The following ADGRV1 variants were observed in gnomAD, a reference collection of about 807,000 sequenced individuals.
The protein encoded by ADGRV1 is G-protein coupled receptor 98.
Under a neutral mutation model 596.2 loss-of-function variants are expected in ADGRV1, and 359 were observed. That is an observed-to-expected ratio of 0.60 (90% CI 0.55 to 0.66). The LOEUF (loss-of-function observed/expected upper bound fraction) is 0.66. Among genes scored for constraint, ADGRV1 ranks in the 30% least tolerant of loss-of-function variants. The pLI, the probability that ADGRV1 is intolerant of heterozygous loss-of-function variation, is 0.00. For synonymous variants in ADGRV1, 2,681 were observed against 2,679.2 expected (o/e 1.00, Z -0.02); for missense variants, 7,274 against 7,575.6 (o/e 0.96, Z 1.48).
chr5:91,161,255 G>A (rs560957309), intron 89 of ADGRV1, among the ~76,000 whole-genome samples: 29 of 152,226 alleles, frequency 1.9e-4, no homozygotes, highest in African/African-American at 5.8e-4. Flanking sequence ...CACATAACAC[G>A]GTTCTCCTGT....
At chr5:90,997,187 G>A (rs1239578463) in intron 85 of ADGRV1, among the ~76,000 whole-genome samples, 2 of 152,092 alleles carry the variant, frequency 1.3e-5, no homozygotes, top group African/African-American at 4.8e-5. Flanking sequence ...ATATAGTTTG[G>A]TTATGTATCC....
chr5:90,771,588 G>T (rs773849063), intron 59 of ADGRV1, among the ~76,000 whole-genome samples: 9 of 151,978 alleles, frequency 5.9e-5, no homozygotes, highest in Middle Eastern at 3.2e-3. Flanking sequence ...AAAATTAAAG[G>T]CTTTAAATTT....
Position 90,798,483 on chromosome 5 carries a change from A to T in ADGRV1, c.14518-4256A>T, listed in dbSNP as rs1760994596. ...CAGGCCAAGACGGATACACCGCCGAATTCTACCAGAGGTACAAAGAGGAGC... is the reference window on the plus strand; with the variant it reads ...CAGGCCAAGACGGATACACCGCCGATTTCTACCAGAGGTACAAAGAGGAGC... On this transcript the variant is annotated intron_variant, in intron 70 of 89. Coordinates refer to ENST00000405460, the MANE Select transcript of ADGRV1 (RefSeq NM_032119.4). Among the ~76,000 whole-genome samples, 4 of 152,336 alleles carry T rather than the reference A, an allele frequency of 2.6e-5. No individual in the cohort carries two copies. In the South Asian group the frequency reaches 8.3e-4, roughly 32 times the overall value.
intron 61 of ADGRV1, 126 bp downstream of exon 61, chr5:90,776,702 A>T (rs1382716487): frequency 9.3e-7 from 1 of 1,072,246 alleles, no homozygotes; most frequent in African/African-American, 1.6e-5. Context: ...ATATACTGTT[A>T]ACATCCTGTG....
intron 78 of ADGRV1, among the ~76,000 whole-genome samples, chr5:90,845,259 C>T (rs544724786): frequency 1.5e-4 from 23 of 152,150 alleles, no homozygotes; most frequent in Non-Finnish European, 3.4e-4. Flanking sequence ...GCCTTAGTTT[C>T]CCTAACTGGA....
At chr5:90,892,948 T>C (rs1231493540) in intron 83 of ADGRV1, among the ~76,000 whole-genome samples, 1 of 152,170 alleles carries the variant, frequency 6.6e-6, no homozygotes, top group Non-Finnish European at 1.5e-5. Flanking sequence ...CAGGGGTAGA[T>C]GAGTTGCAAG....
chr5:90,982,275 C>G (rs2151035185), intron 84 of ADGRV1, among the ~76,000 whole-genome samples: 1 of 152,228 alleles, frequency 6.6e-6, no homozygotes, highest in African/African-American at 2.4e-5. Context: ...ATCAGTTAAT[C>G]TATGGTAACG....
intron 77 of ADGRV1, among the ~76,000 whole-genome samples, chr5:90,832,233 T>C (rs558271215): frequency 1.3e-5 from 2 of 152,262 alleles, no homozygotes; most frequent in African/African-American, 4.8e-5. Flanking sequence ...TGTATGAGGG[T>C]TCCATTTTCT....
chr5:90,728,751 A>G lies in ADGRV1; in HGVS notation c.10244A>G (p.Lys3415Arg), dbSNP rs780103182. Reference sequence around the variant, plus strand: ...GTGCTGACCGTGGCCTTGTTCAACAAGGGAGGCTCTGTGTTCTTAGCCATT... The same window carrying G: ...GTGCTGACCGTGGCCTTGTTCAACAGGGGAGGCTCTGTGTTCTTAGCCATT... Reference protein sequence around the residue: ...RGVLTVALFNKGGSVFLAISQ... With the variant: ...RGVLTVALFNRGGSVFLAISQ... The change falls in exon 49 of 90, where the codon AAG becomes AGG. Residue 3415 changes from lysine (K) to arginine (R), a missense_variant. This residue lies in a region of ADGRV1 where 3,643 missense variants were observed against 3,809.2 expected (regional missense o/e 0.96). Transcript: ENST00000405460. The G allele has an allele frequency of 1.2e-6, 2 of 1,613,944 alleles. No homozygotes were observed. The highest frequency in any genetic ancestry group is 2.2e-5 in the South Asian group (2 of 91,082).
At chr5:91,140,628 G>T (rs1272448582) in intron 87 of ADGRV1, among the ~76,000 whole-genome samples, 1 of 151,908 alleles carries the variant, frequency 6.6e-6, no homozygotes, top group Non-Finnish European at 1.5e-5. Context: ...AATACCATTT[G>T]ACCACCTCCA....
At chr5:91,016,698 G>T (rs1783199454) in intron 85 of ADGRV1, among the ~76,000 whole-genome samples, 1 of 151,824 alleles carries the variant, frequency 6.6e-6, no homozygotes. Flanking sequence ...AGTTAAAATG[G>T]AATAAAAGAT....
chr5:91,100,286 G>T (rs1349083766), intron 86 of ADGRV1, among the ~76,000 whole-genome samples: 1 of 152,140 alleles, frequency 6.6e-6, no homozygotes, highest in East Asian at 1.9e-4. Context: ...AGTGGGCGTG[G>T]TGGCATGCGC....
chr5:90,622,804 GAT>G (rs1764260857), intron 5 of ADGRV1, 103 bp downstream of exon 5: 2 of 387,362 alleles, frequency 5.2e-6, no homozygotes, highest in Non-Finnish European at 9.1e-6. Flanking sequence ...GCAGTGGTGC[GAT>G]CTCAGCTCAA....
At chr5:90,644,093 G>A in intron 14 of ADGRV1, 110 bp downstream of exon 14, 2 of 771,384 alleles carry the variant, frequency 2.6e-6, no homozygotes, top group Non-Finnish European at 4.0e-6. Flanking sequence ...CCCTGCCTTA[G>A]AAATTACACA....
intron 85 of ADGRV1, among the ~76,000 whole-genome samples, chr5:91,039,426 A>G (rs1331877161): frequency 6.6e-6 from 1 of 152,218 alleles, no homozygotes; most frequent in East Asian, 1.9e-4. Context: ...CCTGACCATG[A>G]AAACAGGGAA....
At chr5:90,569,387 ATTTTTT>A (rs869133714) in intron 1 of ADGRV1, among the ~76,000 whole-genome samples, 11 of 16,364 alleles carry the variant, frequency 6.7e-4, no homozygotes, top group Admixed American at 3.1e-3. Context: ...ATATATATAT[ATTTTTT>A]TTTTTTTTTT....
chr5:91,054,102 T>TGTGAGAGA (rs1299621929), intron 85 of ADGRV1, among the ~76,000 whole-genome samples: 5,548 of 126,598 alleles, frequency 0.044, 161 homozygotes, highest in Non-Finnish European at 0.066. Context: ...TGTGTGTGTG[T>TGTGAGAGA]GAGAGAGAGA....
At chr5:91,112,283 G>A (rs1206037332) in intron 87 of ADGRV1, among the ~76,000 whole-genome samples, 2 of 152,314 alleles carry the variant, frequency 1.3e-5, no homozygotes, top group East Asian at 3.9e-4. Flanking sequence ...TTCCAAACAG[G>A]TGCCTCCATT....
At chr5:90,691,959 T>A (rs1746533956) in intron 31 of ADGRV1, among the ~76,000 whole-genome samples, 1 of 152,202 alleles carries the variant, frequency 6.6e-6, no homozygotes, top group South Asian at 2.1e-4. Context: ...AATTTTATTG[T>A]ATGAAATTCA....
Sources: allele counts gnomAD v4.1 joint callset (sites outside exome capture counted in the v4.1 genomes callset), GRCh38; gene constraint gnomAD v4.1.1; regional missense constraint gnomAD v4.1.1; transcripts MANE v1.5; gene names NCBI Gene and HGNC (gene_info 2026-07-23, HGNC 2026-07-21).